ZNF385D: variants seen among roughly 807,000 people sequenced by gnomAD.
ZNF385D encodes zinc finger protein 659.
In ZNF385D, 15 loss-of-function variants were observed where a neutral mutation model predicts 35.8. That is an observed-to-expected ratio of 0.42 (90% CI 0.28 to 0.64). The LOEUF is 0.64. Ranked by LOEUF, ZNF385D falls within the 30% of genes least tolerant of loss-of-function variation. The pLI is 0.23. For missense variants in ZNF385D, 474 were observed against 494.6 expected (o/e 0.96, Z 0.39); for synonymous variants, 212 against 186.8 (o/e 1.13, Z -1.10).
intron 1 of ZNF385D, among the ~76,000 whole-genome samples, chr3:21,707,114 T>C (rs1160421359): frequency 1.3e-5 from 2 of 152,190 alleles, no homozygotes; most frequent in African/African-American, 4.8e-5. Context: ...TTTTTTTTAA[T>C]TGAGCAAGCT....
chr3:22,085,988 GACAAAATTCA>G (rs2125592045), intron 3 of ZNF385D, among the ~76,000 whole-genome samples: 1 of 152,244 alleles, frequency 6.6e-6, no homozygotes, highest in Admixed American at 6.5e-5. Context: ...AAAGGCCTTC[GACAAAATTCA>G]ACAACACTTC....
Position 21,455,922 on chromosome 3 carries a change from G to A in ZNF385D, c.440-18719C>T, listed in dbSNP as rs574308556. 3.9e-3 allele frequency among the ~76,000 whole-genome samples: 587 copies of A among 152,096 alleles called. 1 individual carries two copies. Among genetic ancestry groups the A allele is most frequent in the Non-Finnish European group, 6.4e-3 (432 of 67,980 alleles). ...AAAACAACCCCATCAAAAAGTGAGC[G>A]AAGGATATGAACAGACACTTCTCAA... On this transcript the variant is annotated intron_variant, in intron 4 of 7. Transcript: ENST00000281523.
intron 3 of ZNF385D, among the ~76,000 whole-genome samples, chr3:22,014,486 AAC>A (rs926310798): frequency 6.6e-6 from 1 of 152,166 alleles, no homozygotes; most frequent in African/African-American, 2.4e-5. Context: ...CATCAAACAA[AAC>A]ACAAACTACC....
intron 2 of ZNF385D, among the ~76,000 whole-genome samples, chr3:21,596,801 C>T (rs1178487383): frequency 1.3e-5 from 2 of 152,012 alleles, no homozygotes; most frequent in African/African-American, 4.8e-5. Context: ...AATTTCCCTT[C>T]ATGCTACTGA....
intron 3 of ZNF385D, among the ~76,000 whole-genome samples, chr3:21,991,779 A>C (rs1265914774): frequency 1.3e-5 from 2 of 152,230 alleles, no homozygotes; most frequent in African/African-American, 2.4e-5. Flanking sequence ...TGGGTCAGTC[A>C]GTCATGCTTT....
intron 3 of ZNF385D, among the ~76,000 whole-genome samples, chr3:21,848,290 T>C (rs754482718): frequency 1.1e-4 from 16 of 152,030 alleles, no homozygotes; most frequent in Non-Finnish European, 1.6e-4. Flanking sequence ...GGCTAGTCAG[T>C]AGTGCTACAG....
intron 3 of ZNF385D, among the ~76,000 whole-genome samples, chr3:21,921,413 C>T (rs1417851639): frequency 6.6e-6 from 1 of 151,964 alleles, no homozygotes; most frequent in Non-Finnish European, 1.5e-5. Context: ...GGTATATAAT[C>T]CATTTGTTCG....
chr3:21,483,183 A>G (rs1704762491), intron 4 of ZNF385D, among the ~76,000 whole-genome samples: 1 of 152,200 alleles, frequency 6.6e-6, no homozygotes, highest in Non-Finnish European at 1.5e-5. Context: ...AATCCTGGGA[A>G]CTATGCTATG....
chr3:21,947,437 G>C (rs930188640), intron 3 of ZNF385D, among the ~76,000 whole-genome samples: 1 of 151,892 alleles, frequency 6.6e-6, no homozygotes, highest in African/African-American at 2.4e-5. Context: ...TGCAACCTCC[G>C]CCTCCTGGGT....
At chr3:21,996,339 G>A (rs753793360) in intron 3 of ZNF385D, among the ~76,000 whole-genome samples, 2 of 152,084 alleles carry the variant, frequency 1.3e-5, no homozygotes, top group Non-Finnish European at 2.9e-5. Flanking sequence ...GTTTCTCCTG[G>A]CTCCAAGTGA....
intron 3 of ZNF385D, among the ~76,000 whole-genome samples, chr3:21,864,607 C>G (rs1289865826): frequency 2.6e-5 from 4 of 152,188 alleles, no homozygotes; most frequent in East Asian, 1.9e-4. Flanking sequence ...GTTTTAAATA[C>G]TAATAAAATA....
At chr3:21,765,611 G>C (rs1295134783) in intron 3 of ZNF385D, among the ~76,000 whole-genome samples, 2 of 151,284 alleles carry the variant, frequency 1.3e-5, no homozygotes, top group Non-Finnish European at 2.9e-5. Context: ...AGGTAATACA[G>C]ATTCATGTGC....
chr3:22,208,790 G>A (rs1343711754), intron 2 of ZNF385D, among the ~76,000 whole-genome samples: 4 of 151,822 alleles, frequency 2.6e-5, no homozygotes, highest in Non-Finnish European at 5.9e-5. Context: ...GCCATGTGAT[G>A]AGGCATTGTC....
At chr3:22,242,897 T>C (rs1330674064) in intron 2 of ZNF385D, among the ~76,000 whole-genome samples, 2 of 151,082 alleles carry the variant, frequency 1.3e-5, no homozygotes, top group South Asian at 2.2e-4. Context: ...ACTAATGTTC[T>C]GTTAGATTTA....
intron 3 of ZNF385D, chr3:21,942,590 T>G (rs982760259): frequency 6.6e-6 from 1 of 152,196 alleles, no homozygotes; most frequent in African/African-American, 2.4e-5. Flanking sequence ...TATGGGCAAT[T>G]GGGGCATCTG....
At chr3:22,088,458 T>C in intron 3 of ZNF385D, among the ~76,000 whole-genome samples, 1 of 152,130 alleles carries the variant, frequency 6.6e-6, no homozygotes, top group Non-Finnish European at 1.5e-5. Flanking sequence ...CCATTCAACG[T>C]GGTGTGAGAG....
chr3:22,198,672 A>G (rs1696583290), intron 2 of ZNF385D, among the ~76,000 whole-genome samples: 3 of 152,112 alleles, frequency 2.0e-5, no homozygotes, highest in Admixed American at 2.0e-4. Flanking sequence ...ACAAATGACT[A>G]CATATTTGTA....
In ZNF385D at chr3:22,208,477, G is replaced by A. The variant is rs142981192; in HGVS notation, c.107-39442C>T. On this transcript the variant is annotated intron_variant, in intron 2 of 5. Transcript: ENST00000494108. Reference sequence around the variant, plus strand: ...TGGGTAGATGGGTGGGGGGTTAACCGAGTTGGTTAATGGGTACAAAAAATA... The same window carrying A: ...TGGGTAGATGGGTGGGGGGTTAACCAAGTTGGTTAATGGGTACAAAAAATA... Among the ~76,000 whole-genome samples the A allele has an allele frequency of 5.9e-5, 9 of 151,742 alleles. No individual in the cohort carries two copies. The South Asian group carries it at 8.3e-4, about 14-fold the overall frequency.
intron 4 of ZNF385D, among the ~76,000 whole-genome samples, chr3:21,484,570 A>G (rs575003276): frequency 3.9e-5 from 6 of 152,176 alleles, no homozygotes. Flanking sequence ...GTCTAGATCC[A>G]TTGTCACAAG....
Sources: gnomAD v4.1 joint callset for allele counts (sites outside exome capture counted in the v4.1 genomes callset) on GRCh38, gnomAD v4.1.1 for gene constraint, MANE v1.5 for transcripts, NCBI Gene and HGNC (gene_info 2026-07-23, HGNC 2026-07-21) for gene names.